The following ARHGAP26 variants were observed in gnomAD, a reference collection of about 807,000 sequenced individuals.
ARHGAP26 encodes Rho GTPase activating protein 26.
Under a neutral mutation model 104.8 loss-of-function variants are expected in ARHGAP26, and 38 were observed. The observed-to-expected ratio is 0.36, with a 90% CI of 0.28 to 0.48. The LOEUF (loss-of-function observed/expected upper bound fraction) is 0.48. Among genes scored for constraint, ARHGAP26 ranks in the 20% least tolerant of loss-of-function variants. The pLI, the probability that ARHGAP26 is intolerant of heterozygous loss-of-function variation, is 0.99. For synonymous variants in ARHGAP26, 341 were observed against 340.0 expected, an observed-to-expected ratio of 1.00 and a Z score of -0.03; for missense variants, 704 against 947.9, an observed-to-expected ratio of 0.74 and a Z score of 3.38.
intron 19 of ARHGAP26, among the ~76,000 whole-genome samples, chr5:143,140,187 C>G (rs549490850): frequency 6.6e-6 from 1 of 152,152 alleles, no homozygotes; most frequent in Non-Finnish European, 1.5e-5. Flanking sequence ...CTGATGCTAA[C>G]TCAATTTAGA....
intron 4 of ARHGAP26, among the ~76,000 whole-genome samples, chr5:142,883,081 C>T (rs1185565008): frequency 6.6e-6 from 1 of 152,208 alleles, no homozygotes; most frequent in Non-Finnish European, 1.5e-5. Flanking sequence ...GGTCTTATTG[C>T]TGTTTTCTCA....
chr5:143,049,569 G>T (rs772834400), intron 14 of ARHGAP26, among the ~76,000 whole-genome samples: 1 of 152,062 alleles, frequency 6.6e-6, no homozygotes, highest in Admixed American at 6.5e-5. Context: ...TTTGGTCTCT[G>T]TATTTTTTGC....
intron 17 of ARHGAP26, among the ~76,000 whole-genome samples, chr5:143,094,114 C>T (rs541034264): frequency 4.6e-5 from 7 of 152,374 alleles, no homozygotes; most frequent in East Asian, 1.9e-4. Context: ...CCCCCGCCCC[C>T]GCGGCTTTCT....
chr5:143,032,193 G>T (rs776853488), intron 12 of ARHGAP26, among the ~76,000 whole-genome samples: 83 of 152,326 alleles, frequency 5.4e-4, no homozygotes, highest in Non-Finnish European at 8.7e-4. Flanking sequence ...GGCCAACCTG[G>T]ATATTTGGTG....
At chr5:142,794,400 C>T (rs1012681551) in intron 1 of ARHGAP26, among the ~76,000 whole-genome samples, 8 of 152,118 alleles carry the variant, frequency 5.3e-5, no homozygotes, top group East Asian at 1.9e-4. Context: ...GCCAAGGCAA[C>T]GCAGTTACTC....
intron 11 of ARHGAP26, among the ~76,000 whole-genome samples, chr5:142,948,678 CAG>C (rs1042115813): frequency 2.0e-5 from 3 of 149,880 alleles, no homozygotes; most frequent in African/African-American, 7.4e-5. Flanking sequence ...ACATTAAAAA[CAG>C]AGGTTAGAAG....
At chr5:142,774,753 T>G (rs1367117743) in intron 1 of ARHGAP26, among the ~76,000 whole-genome samples, 1 of 152,146 alleles carries the variant, frequency 6.6e-6, no homozygotes, top group Non-Finnish European at 1.5e-5. Flanking sequence ...CCCTCCCCAC[T>G]AACCCCGGGC....
chr5:143,142,124 C>T (rs73796898), intron 19 of ARHGAP26, among the ~76,000 whole-genome samples: 4,754 of 132,682 alleles, frequency 0.036, 108 homozygotes, highest in Middle Eastern at 0.13. Flanking sequence ...CAGATTGACT[C>T]TACTTTTCAC....
intron 6 of ARHGAP26, among the ~76,000 whole-genome samples, chr5:142,895,862 C>T (rs549316913): frequency 6.6e-6 from 1 of 152,320 alleles, no homozygotes; most frequent in Non-Finnish European, 1.5e-5. Flanking sequence ...GGCTTTGGAA[C>T]CTTATGTCTA....
Position 143,207,241 on chromosome 5 carries a change from C to T in ARHGAP26, c.2032C>T (p.Pro678Ser). 6.2e-7 allele frequency: 1 copy of T among 1,614,174 alleles called. No homozygotes were observed. Among genetic ancestry groups the T allele is most frequent in the Middle Eastern group, 1.6e-4 (1 of 6,062 alleles). The change falls in exon 21 of 23, where the codon CCC (proline) becomes TCC (serine). Residue 678 changes from proline to serine, a missense_variant. Around this residue, in one of 6 missense-constraint regions of ARHGAP26, gnomAD observed 217 missense variants for 242.6 expected, o/e 0.89. Transcript: ENST00000645722. ...AACTTCACCCCTCTCGCCATCTTGG[C>T]CCATGTTCTCGGCGCCATCCAGCCC... ...SPTSPLSPSW[P>S]MFSAPSSPMP...
intron 11 of ARHGAP26, among the ~76,000 whole-genome samples, chr5:142,971,954 G>A (rs1772336099): frequency 6.6e-6 from 1 of 152,166 alleles, no homozygotes. Context: ...GGTCGAGGCG[G>A]GCAGATCAGT....
intron 3 of ARHGAP26, among the ~76,000 whole-genome samples, chr5:142,877,991 C>G (rs1756378411): frequency 6.6e-6 from 1 of 152,192 alleles, no homozygotes; most frequent in Non-Finnish European, 1.5e-5. Context: ...CCGCAACACT[C>G]TAGTCTTAAA....
chr5:142,917,298 C>T (rs1598229659), intron 10 of ARHGAP26, among the ~76,000 whole-genome samples: 1 of 152,276 alleles, frequency 6.6e-6, no homozygotes, highest in South Asian at 2.1e-4. Context: ...CTCGGCCTCT[C>T]AAAGTGCTGG....
chr5:142,834,380 AG>A (rs1769138446), intron 1 of ARHGAP26, among the ~76,000 whole-genome samples: 1 of 152,226 alleles, frequency 6.6e-6, no homozygotes, highest in Non-Finnish European at 1.5e-5. Context: ...CCTCCTGTTG[AG>A]TTTAAGAAAA....
intron 11 of ARHGAP26, among the ~76,000 whole-genome samples, chr5:142,939,172 G>T (rs1280769923): frequency 2.6e-5 from 4 of 152,120 alleles, no homozygotes; most frequent in Admixed American, 2.6e-4. Flanking sequence ...GCTGGTAATT[G>T]GTTGATCTCG....
intron 14 of ARHGAP26, among the ~76,000 whole-genome samples, chr5:143,043,223 C>T (rs1783729871): frequency 6.6e-6 from 1 of 152,222 alleles, no homozygotes; most frequent in Non-Finnish European, 1.5e-5. Context: ...TGCCTAACCC[C>T]TGGCGATCAG....
At chr5:142,902,398 G>A (rs1046824848) in intron 7 of ARHGAP26, among the ~76,000 whole-genome samples, 7 of 152,186 alleles carry the variant, frequency 4.6e-5, no homozygotes, top group African/African-American at 9.7e-5. Context: ...ACATGAGACC[G>A]TGTGGAGTGT....
intron 11 of ARHGAP26, among the ~76,000 whole-genome samples, chr5:142,966,897 A>G (rs1771452181): frequency 6.6e-6 from 1 of 152,250 alleles, no homozygotes; most frequent in African/African-American, 2.4e-5. Flanking sequence ...TTATACTGCT[A>G]TTACAACCAT....
intron 9 of ARHGAP26, 77 bp downstream of exon 9, chr5:142,907,881 AC>A: frequency 8.8e-6 from 8 of 911,134 alleles, no homozygotes; most frequent in Non-Finnish European, 1.3e-5. Flanking sequence ...ATAAAGTAAC[AC>A]CTCCAGTGTT....
Sources: gnomAD v4.1 joint callset for allele counts (sites outside exome capture counted in the v4.1 genomes callset) on GRCh38, gnomAD v4.1.1 for gene constraint, gnomAD v4.1.1 regional missense constraint, MANE v1.5 for transcripts, NCBI Gene and HGNC (gene_info 2026-07-23, HGNC 2026-07-21) for gene names.